Variants in VEZT observed in about 807,000 individuals in gnomAD.
VEZT encodes the protein vezatin.
In VEZT, 39 loss-of-function variants were observed where a neutral mutation model predicts 79.9. The ratio of observed to expected loss-of-function variants is 0.49; its 90% CI spans 0.38 to 0.64. VEZT has a LOEUF of 0.64. Among genes scored for constraint, VEZT ranks in the 30% least tolerant of loss-of-function variants. VEZT has a pLI of 0.00. For synonymous variants in VEZT, 325 were observed against 327.6 expected (o/e 0.99, Z 0.09); for missense variants, 837 against 893.1 (o/e 0.94, Z 0.80).
chr12:95,288,497 T>C (rs2071599751), intron 9 of VEZT, among the ~76,000 whole-genome samples: 1 of 152,230 alleles, frequency 6.6e-6, no homozygotes, highest in African/African-American at 2.4e-5. Flanking sequence ...AAAACTGTGC[T>C]GCAAATCAGT....
At chr12:95,290,168 T>C (rs1447653431) in intron 9 of VEZT, among the ~76,000 whole-genome samples, 2 of 152,260 alleles carry the variant, frequency 1.3e-5, no homozygotes, top group African/African-American at 4.8e-5. Context: ...GTTGTCATGC[T>C]CTTTATTCTC....
At chr12:95,261,558 T>C (rs1193857009) in intron 3 of VEZT, among the ~76,000 whole-genome samples, 1 of 152,102 alleles carries the variant, frequency 6.6e-6, no homozygotes, top group Non-Finnish European at 1.5e-5. Flanking sequence ...ATTACAGGCA[T>C]GTGCCACCAT....
chr12:95,217,881 T>G lies in VEZT; in HGVS notation c.31T>G (p.Phe11Val). 6.6e-7 allele frequency: 1 copy of G among 1,523,106 alleles called. No individual in the cohort carries two copies. The highest frequency in any genetic ancestry group is 1.5e-5 in the African/African-American group (1 of 68,728). The allele number at this position is 1,523,106 out of a possible 1,614,324, so 94.3% of individuals were successfully genotyped here. The change falls in exon 1 of 12, where the codon TTT becomes GTT. Residue 11 changes from phenylalanine (F) to valine (V), a missense_variant. Phe to Val is a conservative substitution (Grantham distance 50). Coordinates refer to ENST00000436874, the MANE Select transcript of VEZT (RefSeq NM_017599.4). ...ACCGGAGTTTGACGAAGAGGTGGTTTTTGAGGTAAGAGGAAAATGGCGGTG... is the reference window on the plus strand; with the variant it reads ...ACCGGAGTTTGACGAAGAGGTGGTTGTTGAGGTAAGAGGAAAATGGCGGTG... The part of the protein sequence containing the change: MTPEFDEEVV[F>V]ENSPLYQYLQ...
intron 7 of VEZT, 79 bp from the exon 8 acceptor site, chr12:95,282,234 A>T: frequency 7.6e-7 from 1 of 1,318,860 alleles, no homozygotes; most frequent in Non-Finnish European, 1.0e-6. Flanking sequence ...CCAGAAGTTA[A>T]GATAAACAAA....
At chr12:95,252,298 A>G in intron 2 of VEZT, 1 of 361,268 alleles carries the variant, frequency 2.8e-6, no homozygotes, top group Non-Finnish European at 4.8e-6. Flanking sequence ...GAATTAAAAT[A>G]CATTACTTAT....
intron 1 of VEZT, among the ~76,000 whole-genome samples, chr12:95,242,898 C>A (rs1409804204): frequency 3.5e-5 from 5 of 143,870 alleles, no homozygotes; most frequent in African/African-American, 1.0e-4. Flanking sequence ...AAAAAAAAAT[C>A]AGTAAAATGA....
intron 1 of VEZT, among the ~76,000 whole-genome samples, chr12:95,222,886 T>C (rs772608305): frequency 6.6e-6 from 1 of 152,180 alleles, no homozygotes; most frequent in Non-Finnish European, 1.5e-5. Flanking sequence ...AAATGAGAAT[T>C]ATCTGTTTCT....
In VEZT at chr12:95,282,576, A is replaced by G. The variant is rs200290905; in HGVS notation, c.1260A>G (p.Ser420=). 1.1e-5 allele frequency: 17 copies of G among 1,614,048 alleles called. No individual in the cohort carries two copies. In the East Asian group the frequency reaches 3.3e-4, roughly 32 times the overall value. The change falls in exon 8 of 12, where the codon TCA becomes TCG. Residue 420 remains serine, a synonymous_variant. Transcript: ENST00000436874. ...PQCLSKTQQK[S]RELNNVHTAV... is the part of the protein sequence containing the mutation. Reference sequence around the variant, plus strand: ...GTTTATCCAAAACTCAACAGAAGTCAAGAGAACTGAATAATGTTCACACAG... The same window carrying G: ...GTTTATCCAAAACTCAACAGAAGTCGAGAGAACTGAATAATGTTCACACAG...
intron 7 of VEZT, among the ~76,000 whole-genome samples, chr12:95,278,018 G>A (rs1307225206): frequency 6.6e-6 from 1 of 152,178 alleles, no homozygotes; most frequent in Non-Finnish European, 1.5e-5. Flanking sequence ...GAGAAGTTGT[G>A]GACCCTGTGG....
rs1378857283 is a variant in VEZT, at chr12:95,299,996, A to G, written c.1832-169A>G. ...ATTTCTTAGGCATTTTCTCTCTTAT[A>G]AAGTTTCCTGGATTTATAAATTTTC... On this transcript the variant is annotated intron_variant, in intron 11 of 11. Transcript: ENST00000436874. The G allele has an allele frequency of 6.8e-6, 3 of 440,518 alleles. No individual in the cohort carries two copies. The East Asian group carries it at 1.1e-4, about 16-fold the overall frequency. The allele number at this position is 440,518 out of a possible 1,614,324, so 27.3% of individuals were successfully genotyped here.
rs939781225 is a variant in VEZT at position 95,270,174 on chromosome 12, A to G, written c.834A>G (p.Leu278=). The change falls in exon 6 of 12, where the codon CTA becomes CTG. Residue 278 remains leucine, a synonymous_variant. Coordinates refer to ENST00000436874, the MANE Select transcript of VEZT (RefSeq NM_017599.4). ...TCCAAGCAGCAAGGCTAGCTACCCT[A>G]TATATGCTGAAAAAATATCCTTTTC... ...ANFQAARLAT[L]YMLKNYPLNS... The G allele has an allele frequency of 1.9e-6, 3 of 1,604,474 alleles. No individual in the cohort carries two copies. Among genetic ancestry groups the G allele is most frequent in the African/African-American group, 1.3e-5 (1 of 74,698 alleles).
chr12:95,262,819 C>T, intron 3 of VEZT, 87 bp from the exon 4 acceptor site: 1 of 1,242,324 alleles, frequency 8.0e-7, no homozygotes, highest in Non-Finnish European at 1.1e-6. Flanking sequence ...TAAACACCAC[C>T]AAATTTTATT....
intron 6 of VEZT, among the ~76,000 whole-genome samples, chr12:95,271,082 G>C (rs1317843111): frequency 1.3e-5 from 2 of 152,116 alleles, no homozygotes; most frequent in Non-Finnish European, 2.9e-5. Context: ...AACTGAAATA[G>C]AGGTTAAGTG....
At chr12:95,235,193 G>GC (rs1412685071) in intron 1 of VEZT, among the ~76,000 whole-genome samples, 2 of 151,590 alleles carry the variant, frequency 1.3e-5, no homozygotes, top group African/African-American at 2.4e-5. Context: ...AGACGGGGTG[G>GC]TGGCCGGGCA....
At chr12:95,260,481 G>A (rs1042172659) in intron 3 of VEZT, among the ~76,000 whole-genome samples, 1 of 152,158 alleles carries the variant, frequency 6.6e-6, no homozygotes, top group African/African-American at 2.4e-5. Context: ...TTGGGGAGGT[G>A]TTATCCCAGT....
chr12:95,238,535 G>A (rs1436174657), intron 1 of VEZT, among the ~76,000 whole-genome samples: 3 of 152,058 alleles, frequency 2.0e-5, no homozygotes, highest in African/African-American at 7.2e-5. Flanking sequence ...TGTCATATGA[G>A]TTTGCCACCA....
intron 1 of VEZT, among the ~76,000 whole-genome samples, chr12:95,241,921 G>A (rs930050455): frequency 1.2e-4 from 18 of 152,148 alleles, no homozygotes; most frequent in African/African-American, 4.3e-4. Flanking sequence ...TTGAAATCAT[G>A]TTGCTAGAGG....
intron 3 of VEZT, among the ~76,000 whole-genome samples, chr12:95,259,007 CA>C (rs2063913929): frequency 6.6e-6 from 1 of 152,128 alleles, no homozygotes; most frequent in South Asian, 2.1e-4. Flanking sequence ...AGATCTTTAT[CA>C]ATCAAATCAA....
intron 1 of VEZT, among the ~76,000 whole-genome samples, chr12:95,219,931 T>G (rs745335071): frequency 6.6e-6 from 1 of 152,264 alleles, no homozygotes; most frequent in Non-Finnish European, 1.5e-5. Context: ...TGTTGCTCAT[T>G]TTCTTATTAG....
Sources: allele counts gnomAD v4.1 joint callset (sites outside exome capture counted in the v4.1 genomes callset), GRCh38; gene constraint gnomAD v4.1.1; transcripts MANE v1.5; gene names NCBI Gene and HGNC (gene_info 2026-07-23, HGNC 2026-07-21).